RC3H1: variants seen among roughly 807,000 people sequenced by gnomAD.
RC3H1 encodes ring finger and CCCH-type domains 1.
Under a neutral mutation model 138.2 loss-of-function variants are expected in RC3H1, and 50 were observed. The observed-to-expected ratio is 0.36, with a 90% confidence interval of 0.29 to 0.46. RC3H1 has a LOEUF of 0.46. Ranked by LOEUF, RC3H1 falls within the 20% of genes least tolerant of loss-of-function variation. The pLI is 1.00. For missense variants in RC3H1, 1,031 were observed against 1,388.1 expected, an observed-to-expected ratio of 0.74 and a Z score of 4.09; for synonymous variants, 462 against 489.1, an observed-to-expected ratio of 0.94 and a Z score of 0.73.
intron 2 of RC3H1, among the ~76,000 whole-genome samples, chr1:173,988,175 C>T (rs1168521285): frequency 1.3e-5 from 2 of 152,164 alleles, no homozygotes; most frequent in Non-Finnish European, 2.9e-5. Flanking sequence ...GCCACAATTA[C>T]AGAATCATAA....
intron 1 of RC3H1, among the ~76,000 whole-genome samples, chr1:174,004,071 ATAATTATATATTAT>A (rs1212430673): frequency 2.7e-5 from 4 of 147,592 alleles, no homozygotes; most frequent in Non-Finnish European, 6.0e-5. Flanking sequence ...TATATCATAT[ATAATTATATATTAT>A]TAATTATATA....
intron 1 of RC3H1, 26 bp from the exon 2 acceptor site, chr1:173,993,161 A>C (rs1453542651): frequency 1.7e-6 from 1 of 584,406 alleles, no homozygotes; most frequent in African/African-American, 1.9e-5. Context: ...AAGGAAAAAA[A>C]TTGAGTGTCT....
chr1:173,940,877 A>G (rs1658827025), intron 19 of RC3H1, among the ~76,000 whole-genome samples: 1 of 151,334 alleles, frequency 6.6e-6, no homozygotes, highest in Non-Finnish European at 1.5e-5. Flanking sequence ...GCTGGAGTAC[A>G]GTGGCACGAT....
intron 19 of RC3H1, among the ~76,000 whole-genome samples, 176 bp from the exon 20 acceptor site, chr1:173,939,047 C>T (rs971536250): frequency 1.3e-5 from 2 of 151,772 alleles, no homozygotes; most frequent in African/African-American, 2.4e-5. Flanking sequence ...TAGCCAGGTG[C>T]GTATTTTTTT....
At chr1:173,960,237 C>T (rs1167578154) in intron 13 of RC3H1, among the ~76,000 whole-genome samples, 1 of 151,564 alleles carries the variant, frequency 6.6e-6, no homozygotes, top group Non-Finnish European at 1.5e-5. Context: ...CTGCAGTGAA[C>T]CAAAAATGCG....
chr1:173,942,428 C>CAAAAAAAAAAAAAAAAAAAAAAAAAAAAA (rs60694243), intron 18 of RC3H1, among the ~76,000 whole-genome samples: 4 of 38,080 alleles, frequency 1.1e-4, no homozygotes, highest in African/African-American at 5.7e-4. Flanking sequence ...GACTCAGTCT[C>CAAAAAAAAAAAAAAAAAAAAAAAAAAAAA]AAAAAAAAAA....
Position 173,946,576 on chromosome 1 carries a change from T to G in RC3H1, c.2861A>C (p.His954Pro). Residue 954 changes from histidine (H) to proline (P), a missense_variant, in exon 17 of 20, where the codon CAT (histidine) becomes CCT (proline). Coordinates refer to ENST00000367696, the MANE Select transcript of RC3H1 (RefSeq NM_172071.4). ...ERISMSEVASHGKPLPSAERE... is the reference protein window; with the variant it reads ...ERISMSEVASPGKPLPSAERE... Reference sequence around the variant, plus strand: ...CTCAGCAGATGGAAGGGGTTTTCCATGACTGGCCACTTCTGACATAGATAT... The same window carrying G: ...CTCAGCAGATGGAAGGGGTTTTCCAGGACTGGCCACTTCTGACATAGATAT... 6.2e-7 allele frequency: 1 copy of G among 1,614,142 alleles called. No individual in the cohort carries two copies. Among genetic ancestry groups the G allele is most frequent in the East Asian group, 2.2e-5 (1 of 44,884 alleles).
rs966587060 is a variant in RC3H1 at position 174,022,013 on chromosome 1, C to A, written c.-151+83G>T. 5 of 388,016 alleles carry A rather than the reference C, an allele frequency of 1.3e-5. No homozygotes were observed. The Admixed American group carries it at 1.3e-4, about 10-fold the overall frequency. 24.0% of individuals were successfully genotyped at this position (388,016 alleles called of 1,614,324 possible). A position where few individuals can be genotyped will look rare whatever the true frequency, so the allele number is the denominator to read the frequency against. On this transcript the variant is annotated intron_variant, in intron 1 of 19. Transcript: ENST00000367696. This position sits in a 1 kb window ranked among gnomAD's most constrained non-coding sequence, Gnocchi z 4.2. ...AGGGCGGGCGAGGACAAACCCTTCC[C>A]GACCACAGCTGCCTATTGTTCCCGA...
chr1:173,986,221 T>C (rs1303180749), intron 2 of RC3H1, among the ~76,000 whole-genome samples: 1 of 152,144 alleles, frequency 6.6e-6, no homozygotes. Context: ...CTTACACTGG[T>C]ATGGTACATT....
intron 1 of RC3H1, among the ~76,000 whole-genome samples, chr1:174,017,652 C>T (rs1027819863): frequency 2.0e-5 from 3 of 151,806 alleles, no homozygotes; most frequent in African/African-American, 7.3e-5. Flanking sequence ...GGTTGAACAA[C>T]ATTGTGAATG....
intron 1 of RC3H1, among the ~76,000 whole-genome samples, chr1:174,010,876 T>G (rs1042949384): frequency 2.0e-5 from 3 of 152,212 alleles, no homozygotes; most frequent in African/African-American, 7.2e-5. Flanking sequence ...GTATGTTCAC[T>G]GAGGAGTGAT....
In RC3H1 at chr1:173,941,361, T is replaced by C. The variant is rs760493868; in HGVS notation, c.3155A>G (p.Asp1052Gly). 1 of 1,611,756 alleles carries C rather than the reference T, an allele frequency of 6.2e-7. No individual in the cohort carries two copies. Among genetic ancestry groups the C allele is most frequent in the Non-Finnish European group, 8.5e-7 (1 of 1,177,940 alleles). ...ELSMENQCSL[D>G]MKSKLNTSKQ... ...ACTTGTATTCAGTTTGCTTTTCATG[T>C]CCAGAGAACACTGGTTTTCCTTTGA... The change falls in exon 19 of 20, where the codon GAC becomes GGC. Residue 1052 changes from aspartate to glycine, a missense_variant. By Grantham distance (94) the Asp-to-Gly change is moderately conservative. This residue lies in a region of RC3H1 where 716 missense variants were observed against 837.9 expected (regional missense o/e 0.85). Transcript: ENST00000367696.
chr1:173,961,796 T>C lies in RC3H1; in HGVS notation c.2131A>G (p.Arg711Gly). 6.2e-7 allele frequency: 1 copy of C among 1,613,566 alleles called. No individual in the cohort carries two copies. The highest frequency in any genetic ancestry group is 8.5e-7 in the Non-Finnish European group (1 of 1,180,014). ...TAGTAACTCTCGATCTGTTGGTATC[T>C]TTCTCTGGATTCTGGTACATACGAT... ...VPSYVPESRE[R>G]YQQIESYYPV... Residue 711 changes from arginine to glycine, a missense_variant, in exon 12 of 20, where the codon AGA (arginine) becomes GGA (glycine). By Grantham distance (125) the Arg-to-Gly change is moderately radical. Coordinates refer to ENST00000367696, the MANE Select transcript of RC3H1 (RefSeq NM_172071.4).
At chr1:173,988,326 A>G (rs1185961375) in intron 2 of RC3H1, among the ~76,000 whole-genome samples, 1 of 152,206 alleles carries the variant, frequency 6.6e-6, no homozygotes, top group Non-Finnish European at 1.5e-5. Context: ...GGAATCATAC[A>G]GTATGTGGCC....
chr1:173,939,278 C>G (rs1392292510), intron 19 of RC3H1, among the ~76,000 whole-genome samples: 2 of 152,006 alleles, frequency 1.3e-5, no homozygotes, highest in South Asian at 2.1e-4. Flanking sequence ...GAGCTCATGC[C>G]TATAATCCCA....
chr1:173,956,643 G>C (rs1427987100), intron 13 of RC3H1, among the ~76,000 whole-genome samples: 1 of 127,028 alleles, frequency 7.9e-6, no homozygotes, highest in Non-Finnish European at 1.6e-5. Flanking sequence ...CGGGCAACAA[G>C]AGTGAAACTC....
intron 7 of RC3H1, 65 bp downstream of exon 7, chr1:173,978,423 T>C (rs1557939517): frequency 3.9e-6 from 6 of 1,533,890 alleles, no homozygotes; most frequent in South Asian, 1.3e-5. Flanking sequence ...AAAAGATAAT[T>C]AAAGAATCAT....
intron 14 of RC3H1, among the ~76,000 whole-genome samples, chr1:173,950,507 T>C (rs1262885042): frequency 1.3e-5 from 2 of 150,880 alleles, no homozygotes; most frequent in Non-Finnish European, 2.9e-5. Flanking sequence ...GAGGATCACT[T>C]GAGTCCAGGA....
At chr1:173,976,370 T>C (rs188611298) in intron 7 of RC3H1, among the ~76,000 whole-genome samples, 1 of 151,938 alleles carries the variant, frequency 6.6e-6, no homozygotes. Context: ...GGGACAAGAA[T>C]TGCTTGAACC....
Sources: allele counts gnomAD v4.1 joint callset (sites outside exome capture counted in the v4.1 genomes callset), GRCh38; gene constraint gnomAD v4.1.1; regional missense constraint gnomAD v4.1.1; non-coding constraint Gnocchi (gnomAD v3.1); transcripts MANE v1.5; gene names NCBI Gene and HGNC (gene_info 2026-07-23, HGNC 2026-07-21).